The following ANXA13 variants were observed in gnomAD, a reference collection of about 807,000 sequenced individuals.
ANXA13 encodes the protein annexin XIII.
In ANXA13, 36 loss-of-function variants were observed where a neutral mutation model predicts 46.6. The ratio of observed to expected loss-of-function variants is 0.77; its 90% CI spans 0.59 to 1.02. The LOEUF (loss-of-function observed/expected upper bound fraction) is 1.02. ANXA13 is among the 50% of genes least tolerant of loss of function. The pLI, the probability that ANXA13 is intolerant of heterozygous loss-of-function variation, is 0.00. For synonymous variants in ANXA13, 163 were observed against 152.9 expected (o/e 1.07, Z -0.49); for missense variants, 417 against 396.5 (o/e 1.05, Z -0.44).
chr8:123,698,971 G>A (rs533609674), intron 3 of ANXA13, among the ~76,000 whole-genome samples: 42 of 152,288 alleles, frequency 2.8e-4, no homozygotes, highest in Admixed American at 1.9e-3. Flanking sequence ...CTCTAGGACT[G>A]GAGAATTTGT....
chr8:123,726,143 G>C (rs900497126), intron 1 of ANXA13, among the ~76,000 whole-genome samples: 1 of 152,192 alleles, frequency 6.6e-6, no homozygotes, highest in Admixed American at 6.5e-5. Context: ...TCTGAAAAAT[G>C]AGTTCAGTTC....
At chr8:123,718,974 C>T (rs995761867) in intron 1 of ANXA13, among the ~76,000 whole-genome samples, 2 of 152,126 alleles carry the variant, frequency 1.3e-5, no homozygotes, top group Non-Finnish European at 2.9e-5. Flanking sequence ...TGTCCCAGTC[C>T]AATTCAAGGA....
chr8:123,685,688 C>T (rs1586311017), intron 9 of ANXA13, among the ~76,000 whole-genome samples: 1 of 152,076 alleles, frequency 6.6e-6, no homozygotes, highest in South Asian at 2.1e-4. Flanking sequence ...GAGCAGAGTT[C>T]GGGAAGGAGA....
rs950525554 is a variant in ANXA13, at chr8:123,684,544, T to G, written c.831+66A>C. 4 of 1,101,506 alleles carry G rather than the reference T, an allele frequency of 3.6e-6. No homozygotes were observed. In the African/African-American group the frequency reaches 6.3e-5, roughly 17 times the overall value. The allele number at this position is 1,101,506 out of a possible 1,614,324, so 68.2% of individuals were successfully genotyped here. ...TAGGCCCTTAATAGAAACTATTTGT[T>G]GATGACATCAGTGGTGGAAAAAAGA... is the stretch of plus-strand genomic sequence containing the variant. On this transcript the variant is annotated intron_variant, in intron 10 of 10. Coordinates refer to ENST00000419625, the MANE Select transcript of ANXA13 (RefSeq NM_004306.4).
In ANXA13 at chr8:123,684,604, T is replaced by A. The variant is rs762688258; in HGVS notation, c.831+6A>T. 1.2e-6 allele frequency: 2 copies of A among 1,603,314 alleles called. No individual in the cohort carries two copies. Among genetic ancestry groups the A allele is most frequent in the Admixed American group, 3.3e-5 (2 of 59,980 alleles). On this transcript the variant is annotated splice_donor_region_variant and intron_variant, in intron 10 of 10. Transcript: ENST00000419625. The stretch of plus-strand genomic sequence containing the variant: ...GCCGCCTCTTTGGAGTCGGAGTGTG[T>A]CTTACCTCGGCCCTGGTCACGACTA...
chr8:123,686,200 T>C (rs1032312856), intron 9 of ANXA13, among the ~76,000 whole-genome samples: 1 of 152,074 alleles, frequency 6.6e-6, no homozygotes, highest in Non-Finnish European at 1.5e-5. Flanking sequence ...CAGCCAGGCA[T>C]GGTGGCTCAC....
chr8:123,731,802 G>A (rs1309657070), intron 1 of ANXA13, among the ~76,000 whole-genome samples: 2 of 152,214 alleles, frequency 1.3e-5, no homozygotes, highest in African/African-American at 4.8e-5. Context: ...AGAACCCCGA[G>A]AGGCTGAGGC....
At chr8:123,726,182 C>T (rs1242948658) in intron 1 of ANXA13, among the ~76,000 whole-genome samples, 2 of 152,164 alleles carry the variant, frequency 1.3e-5, no homozygotes, top group African/African-American at 4.8e-5. Flanking sequence ...CTTTCTATTA[C>T]ATTTGGGATT....
At chr8:123,724,849 T>C (rs540383207) in intron 1 of ANXA13, among the ~76,000 whole-genome samples, 2 of 152,352 alleles carry the variant, frequency 1.3e-5, no homozygotes, top group South Asian at 2.1e-4. Context: ...CATTACTTAT[T>C]TTTGTAAATA....
At chr8:123,735,307 C>A (rs778352693) in intron 1 of ANXA13, among the ~76,000 whole-genome samples, 8 of 152,116 alleles carry the variant, frequency 5.3e-5, no homozygotes, top group Non-Finnish European at 7.4e-5. Context: ...TCAAAACCAC[C>A]AGCATTCTAG....
At chr8:123,735,982 T>C in intron 1 of ANXA13, 1 of 1,265,692 alleles carries the variant, frequency 7.9e-7, no homozygotes, top group Non-Finnish European at 1.1e-6. Flanking sequence ...AAGCTGTGAA[T>C]GCAGGGTCCA....
rs1158320883 is a variant in ANXA13 at position 123,681,063 on chromosome 8, C to T, written c.*177G>A. On this transcript the variant is annotated 3_prime_UTR_variant, in exon 11 of 11. Coordinates refer to ENST00000419625, the MANE Select transcript of ANXA13 (RefSeq NM_004306.4). ...AGTTCAAGGTGCCCTGCCCACGCATCTTAACGTTACTGCCCTTAACTTACA... is the reference window on the plus strand; with the variant it reads ...AGTTCAAGGTGCCCTGCCCACGCATTTTAACGTTACTGCCCTTAACTTACA... 1 of 785,374 alleles carries T rather than the reference C, an allele frequency of 1.3e-6. No individual in the cohort carries two copies. The highest frequency in any genetic ancestry group is 1.9e-6 in the Non-Finnish European group (1 of 524,678). The allele number at this position is 785,374 out of a possible 1,614,324, so 48.7% of individuals were successfully genotyped here.
intron 7 of ANXA13, among the ~76,000 whole-genome samples, chr8:123,693,508 A>T (rs1027471704): frequency 3.3e-5 from 5 of 152,200 alleles, no homozygotes; most frequent in African/African-American, 1.2e-4. Context: ...AACAGATCTG[A>T]TGTGGTCAAC....
At chr8:123,685,275 A>G (rs1813120173) in intron 9 of ANXA13, among the ~76,000 whole-genome samples, 4 of 152,116 alleles carry the variant, frequency 2.6e-5, no homozygotes. Context: ...GGACTTGATG[A>G]AATGTTTGAT....
In ANXA13 at chr8:123,688,872, G is replaced by A. The variant is rs367655009; in HGVS notation, c.717C>T (p.Leu239=). The change falls in exon 9 of 11, where the codon CTC becomes CTT. Residue 239 remains leucine, a splice_region_variant and synonymous_variant. Coordinates refer to ENST00000419625, the MANE Select transcript of ANXA13 (RefSeq NM_004306.4). The stretch of plus-strand genomic sequence containing the variant: ...GGAGCTCTCCTAACTTTACTTTACC[G>A]AGAGTTAAATAGGCCTTCTGCAAGT... ...SGDLQKAYLT[L]VRCAQDCEDY... 13 of 1,613,506 alleles carry A rather than the reference G, an allele frequency of 8.1e-6. No homozygotes were observed. The highest frequency in any genetic ancestry group is 1.7e-5 in the Admixed American group (1 of 59,996).
At chr8:123,733,695 C>A (rs112821680) in intron 1 of ANXA13, among the ~76,000 whole-genome samples, 1 of 152,220 alleles carries the variant, frequency 6.6e-6, no homozygotes, top group African/African-American at 2.4e-5. Flanking sequence ...GTGTGCAGAG[C>A]TCTTCTTGAA....
chr8:123,729,520 T>C (rs1306341042), intron 1 of ANXA13, among the ~76,000 whole-genome samples: 3 of 152,146 alleles, frequency 2.0e-5, no homozygotes, highest in Non-Finnish European at 4.4e-5. Context: ...TCCTCCCTGA[T>C]AGGGGAGATG....
Position 123,702,659 on chromosome 8 carries a change from T to C in ANXA13, c.169A>G (p.Lys57Glu), listed in dbSNP as rs2129869876. The stretch of plus-strand genomic sequence containing the variant: ...GGAATCACCTTGCCGTACGTTGCCT[T>C]GTACTTTTGCTTGATTTGTTGCCTC... Reference protein sequence around the residue: ...DERQQIKQKYKATYGKELEEV... With the variant: ...DERQQIKQKYEATYGKELEEV... Residue 57 changes from lysine to glutamate, a missense_variant, in exon 3 of 11, where the codon AAG becomes GAG. Transcript: ENST00000419625. 1 of 1,614,098 alleles carries C rather than the reference T, an allele frequency of 6.2e-7. No homozygotes were observed. The highest frequency in any genetic ancestry group is 8.5e-7 in the Non-Finnish European group (1 of 1,179,978).
chr8:123,697,604 T>C (rs1316536100), intron 4 of ANXA13, among the ~76,000 whole-genome samples: 1 of 152,242 alleles, frequency 6.6e-6, no homozygotes, highest in Non-Finnish European at 1.5e-5. Context: ...TTTTGCCTGC[T>C]GTCTGCTCCA....
Sources: allele counts gnomAD v4.1 joint callset (sites outside exome capture counted in the v4.1 genomes callset), GRCh38; gene constraint gnomAD v4.1.1; transcripts MANE v1.5; gene names NCBI Gene and HGNC (gene_info 2026-07-23, HGNC 2026-07-21).